The following SRGAP1 variants were observed in gnomAD, a reference collection of about 807,000 sequenced individuals.
SRGAP1 encodes the protein SLIT-ROBO Rho GTPase activating protein 1.
A neutral mutation model predicts 121.9 loss-of-function variants in SRGAP1; 43 were observed. The ratio of observed to expected loss-of-function variants is 0.35; its 90% CI spans 0.28 to 0.46. SRGAP1 has a LOEUF of 0.46. Among genes scored for constraint, SRGAP1 ranks in the 20% least tolerant of loss-of-function variants. The probability of loss-of-function intolerance (pLI) is 1.00; values close to 1 mark genes in which losing one functional copy is unlikely to be tolerated. For synonymous variants in SRGAP1, 447 were observed against 485.4 expected (o/e 0.92, Z 1.04); for missense variants, 1,102 against 1,350.9 (o/e 0.82, Z 2.89).
intron 1 of SRGAP1, among the ~76,000 whole-genome samples, chr12:63,942,542 G>A (rs1209707408): frequency 6.6e-6 from 1 of 152,150 alleles, no homozygotes. Context: ...GCTGGGCCCA[G>A]GGATTCTGTG....
At chr12:64,092,714 A>G (rs2036078064) in intron 12 of SRGAP1, among the ~76,000 whole-genome samples, 1 of 152,144 alleles carries the variant, frequency 6.6e-6, no homozygotes, top group Non-Finnish European at 1.5e-5. Context: ...GCAGGGACAA[A>G]TTATATGGAG....
At chr12:64,110,379 A>G (rs1452456417) in intron 16 of SRGAP1, among the ~76,000 whole-genome samples, 1 of 152,208 alleles carries the variant, frequency 6.6e-6, no homozygotes, top group Non-Finnish European at 1.5e-5. Context: ...AAGAATGGCA[A>G]ATGCACCATG....
At chr12:63,883,761 C>G (rs1335622413) in intron 1 of SRGAP1, among the ~76,000 whole-genome samples, 1 of 151,406 alleles carries the variant, frequency 6.6e-6, no homozygotes, top group Non-Finnish European at 1.5e-5. Flanking sequence ...CGGGTTCACG[C>G]CATTCTCCTG....
rs966675619 is a variant in SRGAP1, at chr12:63,929,488, C to T, written c.68-54459C>T. Among the ~76,000 whole-genome samples, 3 of 152,004 alleles carry T rather than the reference C, an allele frequency of 2.0e-5. No individual in the cohort carries two copies. In the East Asian group the frequency reaches 5.8e-4, roughly 29 times the overall value. ...CACCTGGGGAGATTTTATAAAACAA[C>T]GATACCTGGGTTCCATTCCTGGGGT... On this transcript the variant is annotated intron_variant, in intron 1 of 21. Coordinates refer to ENST00000355086, the MANE Select transcript of SRGAP1 (RefSeq NM_020762.4).
intron 1 of SRGAP1, among the ~76,000 whole-genome samples, chr12:63,900,620 C>T (rs1275973538): frequency 6.6e-6 from 1 of 151,974 alleles, no homozygotes; most frequent in Non-Finnish European, 1.5e-5. Context: ...CGAGACCAGC[C>T]TGGGCAACAT....
At chr12:64,100,985 A>T (rs1268513963) in intron 15 of SRGAP1, among the ~76,000 whole-genome samples, 1 of 152,188 alleles carries the variant, frequency 6.6e-6, no homozygotes, top group Non-Finnish European at 1.5e-5. Context: ...GGATTCAGAG[A>T]CTTGATTCTT....
chr12:63,996,958 G>A (rs1305046733), intron 3 of SRGAP1, among the ~76,000 whole-genome samples: 4 of 151,968 alleles, frequency 2.6e-5, no homozygotes, highest in Non-Finnish European at 4.4e-5. Flanking sequence ...TTATCAGGAT[G>A]GCAAGCACAT....
chr12:63,940,064 C>A (rs1027060571), intron 1 of SRGAP1, among the ~76,000 whole-genome samples: 2 of 151,928 alleles, frequency 1.3e-5, no homozygotes, highest in Non-Finnish European at 2.9e-5. Flanking sequence ...CGGGTTCAAG[C>A]GATTCTCCTG....
At chr12:64,029,155 C>T (rs1190047113) in intron 4 of SRGAP1, among the ~76,000 whole-genome samples, 2 of 152,046 alleles carry the variant, frequency 1.3e-5, no homozygotes, top group Admixed American at 6.5e-5. Flanking sequence ...CTCTTCTTTC[C>T]GGGTCGCTGC....
intron 11 of SRGAP1, among the ~76,000 whole-genome samples, chr12:64,088,439 A>G (rs2035986728): frequency 1.3e-5 from 2 of 152,244 alleles, no homozygotes; most frequent in African/African-American, 4.8e-5. Flanking sequence ...TTAATTTGCC[A>G]TGAGAGCTAT....
In SRGAP1 at chr12:64,151,785, CT is replaced by C. The variant is rs1457364511; in HGVS notation, c.*9116del. 2 of 152,178 alleles carry C rather than the reference CT, an allele frequency of 1.3e-5. No homozygotes were observed. Among genetic ancestry groups the C allele is most frequent in the Non-Finnish European group, 1.5e-5 (1 of 68,034 alleles). The allele number at this position is 152,178 out of a possible 1,614,324, so 9.4% of individuals were successfully genotyped here. A position where few individuals can be genotyped will look rare whatever the true frequency, so the allele number is the denominator to read the frequency against. On this transcript the variant is annotated 3_prime_UTR_variant, in exon 22 of 22. Transcript: ENST00000355086. ...TCTGTGTCCTAAACTTCAGATGACT[CT>C]TTATTGTTTCAGCTAAACATCAGCA...
At position 64,155,298 on chromosome 12, in the gene SRGAP1, T is replaced by C. The variant is rs934722713; in HGVS notation, c.*12626T>C. On this transcript the variant is annotated 3_prime_UTR_variant, in exon 22 of 22. Coordinates refer to ENST00000355086, the MANE Select transcript of SRGAP1 (RefSeq NM_020762.4). ...GGCTCACGCCTGTAATGCCAGCACT[T>C]TGGGAGGCCGAGACAGGCGGATCAC... The C allele has an allele frequency of 6.6e-6, 1 of 152,094 alleles. No homozygotes were observed. The highest frequency in any genetic ancestry group is 2.4e-5 in the African/African-American group (1 of 41,408). 9.4% of individuals were successfully genotyped at this position (152,094 alleles called of 1,614,324 possible).
At chr12:63,883,246 G>T (rs1900253487) in intron 1 of SRGAP1, among the ~76,000 whole-genome samples, 1 of 152,236 alleles carries the variant, frequency 6.6e-6, no homozygotes, top group Non-Finnish European at 1.5e-5. Flanking sequence ...TAAACAGCAG[G>T]ACTGTTTATA....
In SRGAP1 at chr12:64,157,452, A is replaced by G. The variant is rs1370241817; in HGVS notation, c.*14780A>G. 2.0e-5 allele frequency: 3 copies of G among 151,952 alleles called. No homozygotes were observed. Among genetic ancestry groups the G allele is most frequent in the Non-Finnish European group, 1.5e-5 (1 of 67,986 alleles). 9.4% of individuals were successfully genotyped at this position (151,952 alleles called of 1,614,324 possible). On this transcript the variant is annotated 3_prime_UTR_variant, in exon 22 of 22. Transcript: ENST00000355086. ...GCTGCCACACTGGAAATGGGATAGA[A>G]TATCGTATAGCTATGAGAATTGCAA...
At chr12:64,090,626 G>A (rs2036033918) in intron 11 of SRGAP1, among the ~76,000 whole-genome samples, 1 of 152,154 alleles carries the variant, frequency 6.6e-6, no homozygotes, top group African/African-American at 2.4e-5. Context: ...GATCTTTTGA[G>A]CCCAGGAGTT....
chr12:63,975,321 G>A (rs1025121364), intron 1 of SRGAP1, among the ~76,000 whole-genome samples: 30 of 152,194 alleles, frequency 2.0e-4, no homozygotes, highest in African/African-American at 7.2e-4. Context: ...AGCCTGTCAA[G>A]TCCTCAAGGA....
intron 1 of SRGAP1, among the ~76,000 whole-genome samples, chr12:63,969,567 G>A (rs888684415): frequency 1.3e-5 from 2 of 152,114 alleles, no homozygotes; most frequent in Admixed American, 6.5e-5. Context: ...GCCAAGGCAG[G>A]CGGATCACGA....
chr12:63,954,688 A>AAAAG (rs2032406772), intron 1 of SRGAP1, among the ~76,000 whole-genome samples: 1 of 130,290 alleles, frequency 7.7e-6, no homozygotes, highest in East Asian at 2.2e-4. Flanking sequence ...AAAAAAAAAA[A>AAAAG]AAAAGAAAAG....
intron 1 of SRGAP1, among the ~76,000 whole-genome samples, chr12:63,877,597 C>A (rs78457925): frequency 7.4e-4 from 112 of 152,304 alleles, no homozygotes; most frequent in African/African-American, 2.6e-3. Flanking sequence ...TACAGTGTTA[C>A]AACTATCTGG....
Sources: gnomAD v4.1 joint callset for allele counts (sites outside exome capture counted in the v4.1 genomes callset) on GRCh38, gnomAD v4.1.1 for gene constraint, MANE v1.5 for transcripts, NCBI Gene and HGNC (gene_info 2026-07-23, HGNC 2026-07-21) for gene names.